Variants in ZNF469 observed in about 807,000 individuals in gnomAD.
ZNF469 encodes the protein zinc finger protein 469.
Under a neutral mutation model 1.0 loss-of-function variants are expected in ZNF469, and 1 was observed. That is an observed-to-expected ratio of 1.00 (90% CI 0.35 to 4.73). The LOEUF is 4.73. ZNF469 is among the 30% of genes most tolerant of loss of function. The probability of loss-of-function intolerance (pLI) is 0.16; values close to 1 mark genes in which losing one functional copy is unlikely to be tolerated. For synonymous variants in ZNF469, 2,703 were observed against 2,363.4 expected (o/e 1.14, Z -4.17); for missense variants, 6,100 against 5,356.3 (o/e 1.14, Z -4.33).
At chr16:88,229,723 C>T in the ZNF469 span, among the ~76,000 whole-genome samples, 65 of 152,300 alleles carry the variant, frequency 4.3e-4, no homozygotes, top group African/African-American at 7.0e-4. Flanking sequence ...TGATGTCACG[C>T]GTGTGGATGT....
At chr16:88,282,720 A>G in the ZNF469 span, among the ~76,000 whole-genome samples, 2 of 152,170 alleles carry the variant, frequency 1.3e-5, no homozygotes, top group South Asian at 2.1e-4. Context: ...CTCACTGTCA[A>G]TTGTCAGCAC....
the ZNF469 span, among the ~76,000 whole-genome samples, chr16:88,295,087 C>CT: frequency 9.4e-6 from 1 of 106,308 alleles, no homozygotes; most frequent in East Asian, 2.7e-4. Context: ...GACGTCATCT[C>CT]AGGCCCCCAG....
At chr16:88,272,829 G>A in the ZNF469 span, among the ~76,000 whole-genome samples, 1 of 151,048 alleles carries the variant, frequency 6.6e-6, no homozygotes. Context: ...TGGATGAACA[G>A]GTGGGTGTGT....
chr16:88,139,030 G>A, the ZNF469 span, among the ~76,000 whole-genome samples: 3 of 152,252 alleles, frequency 2.0e-5, no homozygotes, highest in African/African-American at 7.2e-5. Context: ...TGGGTGAAAT[G>A]TAACCTGCAA....
the ZNF469 span, among the ~76,000 whole-genome samples, chr16:88,267,801 T>G: frequency 6.6e-6 from 1 of 151,920 alleles, no homozygotes; most frequent in Non-Finnish European, 1.5e-5. Flanking sequence ...TCGGGCTGTT[T>G]GGGATAATGC....
chr16:88,272,221 G>A, the ZNF469 span, among the ~76,000 whole-genome samples: 3 of 119,444 alleles, frequency 2.5e-5, no homozygotes, highest in African/African-American at 8.9e-5. Flanking sequence ...AAATGGATGT[G>A]TGGATGAGTA....
At chr16:88,201,236 T>C in the ZNF469 span, among the ~76,000 whole-genome samples, 1 of 152,244 alleles carries the variant, frequency 6.6e-6, no homozygotes, top group Admixed American at 6.5e-5. This position sits in a 1 kb window ranked among gnomAD's most constrained non-coding sequence, Gnocchi z 5.0. Context: ...TTGTGTCTTC[T>C]TTTTAAAGAA....
chr16:88,438,318 T>G lies in ZNF469; in HGVS notation c.10848T>G (p.Ala3616=), dbSNP rs1906749234. 3.2e-6 allele frequency: 5 copies of G among 1,549,942 alleles called. No individual in the cohort carries two copies. The African/African-American group carries it at 4.1e-5, about 13-fold the overall frequency. The change falls in exon 3 of 3, where the codon GCT becomes GCG. Residue 3616 remains alanine (A), a synonymous_variant. Transcript: ENST00000565624. ...ARGQDAEGKR[A]PLVFSGKRRA... Reference sequence around the variant, plus strand: ...GCCAAGATGCGGAGGGAAAGAGGGCTCCTCTCGTGTTCTCAGGGAAACGCA... The same window carrying G: ...GCCAAGATGCGGAGGGAAAGAGGGCGCCTCTCGTGTTCTCAGGGAAACGCA...
At chr16:88,226,237 G>C in the ZNF469 span, among the ~76,000 whole-genome samples, 28 of 152,280 alleles carry the variant, frequency 1.8e-4, no homozygotes, top group East Asian at 3.9e-3. Flanking sequence ...GCATGTTAAG[G>C]CTTCACCCCC....
chr16:88,134,144 C>G, the ZNF469 span, among the ~76,000 whole-genome samples: 1 of 151,266 alleles, frequency 6.6e-6, no homozygotes, highest in Non-Finnish European at 1.5e-5. Flanking sequence ...ATAGTGATCC[C>G]AGTACTTAGG....
chr16:88,361,975 T>C, the ZNF469 span, among the ~76,000 whole-genome samples: 1 of 152,366 alleles, frequency 6.6e-6, no homozygotes, highest in East Asian at 1.9e-4. Flanking sequence ...TAAGTGTGTG[T>C]CTGTTCCTGA....
chr16:88,386,688 A>G (rs1260002969), intron 1 of ZNF469, among the ~76,000 whole-genome samples: 1 of 152,164 alleles, frequency 6.6e-6, no homozygotes, highest in African/African-American at 2.4e-5. Flanking sequence ...AGCCGCTTCC[A>G]GGTCAAGCCT....
At chr16:88,239,679 A>G in the ZNF469 span, among the ~76,000 whole-genome samples, 14 of 3,692 alleles carry the variant, frequency 3.8e-3, 2 homozygotes, top group African/African-American at 9.9e-3. Context: ...ATATATATAT[A>G]TATATATATA....
At chr16:88,129,516 C>G in the ZNF469 span, among the ~76,000 whole-genome samples, 1 of 152,166 alleles carries the variant, frequency 6.6e-6, no homozygotes, top group Non-Finnish European at 1.5e-5. Flanking sequence ...TACCCTCTTT[C>G]AACACAGTAC....
the ZNF469 span, among the ~76,000 whole-genome samples, chr16:88,313,653 G>A: frequency 2.6e-5 from 4 of 152,088 alleles, no homozygotes; most frequent in African/African-American, 9.7e-5. Context: ...GATAATGCTG[G>A]TGTGGACTCT....
At chr16:88,273,836 G>C in the ZNF469 span, among the ~76,000 whole-genome samples, 1 of 138,034 alleles carries the variant, frequency 7.2e-6, no homozygotes, top group Non-Finnish European at 1.5e-5. Context: ...ACGGAGTCTC[G>C]CTCTGTCGCC....
At chr16:88,422,972 A>AATGG (rs1165010849) in intron 1 of ZNF469, among the ~76,000 whole-genome samples, 32 of 137,206 alleles carry the variant, frequency 2.3e-4, no homozygotes, top group South Asian at 7.4e-4. Flanking sequence ...TGGATGGATT[A>AATGG]ATGGATGGAT....
chr16:88,254,367 T>C, the ZNF469 span, among the ~76,000 whole-genome samples: 3 of 152,200 alleles, frequency 2.0e-5, no homozygotes, highest in Admixed American at 2.0e-4. Flanking sequence ...TATTTGTCCA[T>C]TCATACACCA....
At chr16:88,380,485 GCA>G (rs560861930), upstream of ZNF469, among the ~76,000 whole-genome samples, 708 of 95,538 alleles carry the variant, frequency 7.4e-3, 9 homozygotes, top group African/African-American at 0.024. Flanking sequence ...ACACATACGT[GCA>G]CACACACATG....
Sources: allele counts gnomAD v4.1 joint callset (sites outside exome capture counted in the v4.1 genomes callset), GRCh38; gene constraint gnomAD v4.1.1; non-coding constraint Gnocchi (gnomAD v3.1); transcripts MANE v1.5; gene names NCBI Gene and HGNC (gene_info 2026-07-23, HGNC 2026-07-21).